Variants in MAPK10 observed in about 807,000 individuals in gnomAD.
MAPK10 encodes the protein JNK3 alpha protein kinase.
Under a neutral mutation model 59.3 loss-of-function variants are expected in MAPK10, and 25 were observed. That is an observed-to-expected ratio of 0.42 (90% confidence interval 0.31 to 0.59). The LOEUF (loss-of-function observed/expected upper bound fraction) is 0.59, where lower values mean the gene tolerates loss of function less well. MAPK10 is among the 20% of genes least tolerant of loss of function. The pLI is 0.15. For synonymous variants in MAPK10, 190 were observed against 200.5 expected (o/e 0.95, Z 0.44); for missense variants, 351 against 568.9 (o/e 0.62, Z 3.90).
chr4:86,510,126 G>C (rs1756105050), intron 1 of MAPK10, among the ~76,000 whole-genome samples: 1 of 152,122 alleles, frequency 6.6e-6, no homozygotes, highest in African/African-American at 2.4e-5. Flanking sequence ...TTATTGGTAG[G>C]GGGTGGTTTG....
chr4:86,512,432 T>A (rs548494822), intron 1 of MAPK10, among the ~76,000 whole-genome samples: 1 of 152,150 alleles, frequency 6.6e-6, no homozygotes. Context: ...TTATAGTGAG[T>A]GAGTAAATAT....
At chr4:86,104,226 C>T (rs898104270) in intron 5 of MAPK10, among the ~76,000 whole-genome samples, 2 of 151,958 alleles carry the variant, frequency 1.3e-5, no homozygotes, top group African/African-American at 2.4e-5. Flanking sequence ...TTATGTCTCA[C>T]GTAGTTTTAA....
Position 86,539,674 on chromosome 4 carries a change from C to T in MAPK10, c.-263+54236G>A, listed in dbSNP as rs551275118. On this transcript the variant is annotated intron_variant, in intron 1 of 4. Coordinates refer to the MAPK10 transcript ENST00000502302. ...CAGCAAGTGTGTAAGAAGTCTCAAG[C>T]CCTCCTATACTGTTGGCTGGGGCAC... Among the ~76,000 whole-genome samples the T allele has an allele frequency of 3.4e-4, 52 of 152,274 alleles. 1 individual carries two copies. The highest frequency in any genetic ancestry group is 1.2e-3 in the African/African-American group (50 of 41,550).
intron 2 of MAPK10, among the ~76,000 whole-genome samples, chr4:86,221,073 T>C (rs1340868572): frequency 6.6e-6 from 1 of 152,162 alleles, no homozygotes; most frequent in African/African-American, 2.4e-5. Flanking sequence ...GTCTCCCGAA[T>C]AGAAGGCGGC....
chr4:86,549,025 G>A lies in MAPK10; in HGVS notation c.-263+44885C>T, dbSNP rs543727112. ...CTGATAATTCACTGTTTATTTCATG[G>A]AATACTAAAATACCAATATTAATGC... On this transcript the variant is annotated intron_variant, in intron 1 of 4. Coordinates refer to the MAPK10 transcript ENST00000502302. Among the ~76,000 whole-genome samples the A allele has an allele frequency of 6.6e-5, 10 of 151,956 alleles. No homozygotes were observed. The South Asian group carries it at 2.1e-3, about 32-fold the overall frequency.
chr4:86,316,411 T>C (rs1375614426), intron 2 of MAPK10, among the ~76,000 whole-genome samples: 2 of 152,182 alleles, frequency 1.3e-5, no homozygotes, highest in Admixed American at 1.3e-4. Context: ...TAAATCTGAA[T>C]TGGTCATATG....
intron 2 of MAPK10, among the ~76,000 whole-genome samples, chr4:86,214,255 T>C (rs1482931656): frequency 6.6e-6 from 1 of 151,968 alleles, no homozygotes; most frequent in Admixed American, 6.6e-5. Context: ...GAACCATATA[T>C]GAAAAACTCA....
chr4:86,106,251 C>T (rs1254688054), intron 5 of MAPK10, among the ~76,000 whole-genome samples: 1 of 151,914 alleles, frequency 6.6e-6, no homozygotes, highest in South Asian at 2.1e-4. Flanking sequence ...TGGTAGATGG[C>T]GAGCATTAGG....
chr4:86,135,457 C>T (rs566872965), intron 4 of MAPK10, among the ~76,000 whole-genome samples: 1 of 152,236 alleles, frequency 6.6e-6, no homozygotes, highest in South Asian at 2.1e-4. Context: ...GGTACTCCAA[C>T]AGACCTTCAG....
intron 9 of MAPK10, among the ~76,000 whole-genome samples, chr4:86,094,514 GTT>G (rs1561608325): frequency 6.6e-6 from 1 of 151,848 alleles, no homozygotes; most frequent in Admixed American, 6.6e-5. Context: ...ACATCACAGG[GTT>G]TGCTCAAAGA....
chr4:86,084,903 T>C (rs948408674), intron 9 of MAPK10, among the ~76,000 whole-genome samples: 1 of 152,018 alleles, frequency 6.6e-6, no homozygotes, highest in African/African-American at 2.4e-5. Flanking sequence ...AACAGACACA[T>C]AGATCAATAG....
intron 2 of MAPK10, among the ~76,000 whole-genome samples, chr4:86,313,772 T>A (rs1352900510): frequency 6.6e-6 from 1 of 152,066 alleles, no homozygotes; most frequent in Non-Finnish European, 1.5e-5. Flanking sequence ...ATACAAATTG[T>A]CACAATAACT....
chr4:86,074,641 C>T (rs1004884806), intron 9 of MAPK10, among the ~76,000 whole-genome samples: 7 of 138,232 alleles, frequency 5.1e-5, no homozygotes, highest in African/African-American at 1.7e-4. Context: ...TTTATTTCTC[C>T]TTCACTTATG....
intron 1 of MAPK10, among the ~76,000 whole-genome samples, chr4:86,539,151 C>T (rs1758479006): frequency 6.6e-6 from 1 of 152,012 alleles, no homozygotes; most frequent in Non-Finnish European, 1.5e-5. Flanking sequence ...ATAATGAGCT[C>T]AGCCCAGGAA....
intron 1 of MAPK10, among the ~76,000 whole-genome samples, chr4:86,522,052 T>G (rs1350214964): frequency 6.6e-6 from 1 of 152,190 alleles, no homozygotes. Flanking sequence ...TACTTTTATA[T>G]TTCACCTGGG....
intron 2 of MAPK10, among the ~76,000 whole-genome samples, chr4:86,350,992 C>A (rs960206112): frequency 6.6e-6 from 1 of 152,008 alleles, no homozygotes; most frequent in Non-Finnish European, 1.5e-5. Flanking sequence ...TTGCAGGCAT[C>A]GTATCTATTC....
At position 86,222,972 on chromosome 4, in the gene MAPK10, A is replaced by G. The variant is rs568977024; in HGVS notation, c.-6-28565T>C. Among the ~76,000 whole-genome samples, 10 of 152,348 alleles carry G rather than the reference A, an allele frequency of 6.6e-5. No homozygotes were observed. In the East Asian group the frequency reaches 1.9e-3, roughly 29 times the overall value. ...TGTCCCCCACACAGTACAAGGCCTCATCACCTTGGTTAAATTCCTGAAAAT... is the reference window on the plus strand; with the variant it reads ...TGTCCCCCACACAGTACAAGGCCTCGTCACCTTGGTTAAATTCCTGAAAAT... On this transcript the variant is annotated intron_variant, in intron 2 of 13. Transcript: ENST00000641462.
At chr4:86,155,583 TC>T (rs2067532108) in intron 4 of MAPK10, among the ~76,000 whole-genome samples, 1 of 152,036 alleles carries the variant, frequency 6.6e-6, no homozygotes, top group African/African-American at 2.4e-5. Flanking sequence ...CTATGTTTTT[TC>T]CTACACATAT....
intron 1 of MAPK10, among the ~76,000 whole-genome samples, chr4:86,422,642 G>A (rs1746680731): frequency 6.6e-6 from 1 of 152,100 alleles, no homozygotes. Context: ...AAGCCAACAA[G>A]GACATAATTA....
Sources: allele counts gnomAD v4.1 joint callset (sites outside exome capture counted in the v4.1 genomes callset), GRCh38; gene constraint gnomAD v4.1.1; transcripts MANE v1.5; gene names NCBI Gene and HGNC (gene_info 2026-07-23, HGNC 2026-07-21).